The following PCDHA12 variants were observed in gnomAD, a reference collection of about 807,000 sequenced individuals.
The protein encoded by PCDHA12 is protocadherin alpha 12.
Under a neutral mutation model 60.0 loss-of-function variants are expected in PCDHA12, and 44 were observed. That is an observed-to-expected ratio of 0.73 (90% CI 0.58 to 0.94). The LOEUF is 0.94. PCDHA12 is among the 40% of genes least tolerant of loss of function. The pLI is 0.00. For synonymous variants in PCDHA12, 569 were observed against 553.0 expected, an observed-to-expected ratio of 1.03 and a Z score of -0.40; for missense variants, 1,276 against 1,239.7, an observed-to-expected ratio of 1.03 and a Z score of -0.44.
intron 3 of PCDHA12, among the ~76,000 whole-genome samples, chr5:140,983,526 A>C (rs1421450953): frequency 6.6e-6 from 1 of 152,230 alleles, no homozygotes; most frequent in African/African-American, 2.4e-5. Context: ...TGCCAAGTAC[A>C]TTGTATGTGT....
intron 1 of PCDHA12, among the ~76,000 whole-genome samples, chr5:140,920,909 C>A (rs2079923809): frequency 6.6e-6 from 1 of 151,058 alleles, no homozygotes; most frequent in Admixed American, 6.6e-5. Context: ...GTTCTCAAAT[C>A]AGTTCCAAGA....
At chr5:140,953,118 A>G (rs2094850559) in intron 1 of PCDHA12, among the ~76,000 whole-genome samples, 1 of 152,162 alleles carries the variant, frequency 6.6e-6, no homozygotes, top group Non-Finnish European at 1.5e-5. Context: ...AGGGACACAG[A>G]TCTAAACCGT....
At chr5:140,914,944 CTTTT>C (rs35695909) in intron 1 of PCDHA12, among the ~76,000 whole-genome samples, 298 of 128,244 alleles carry the variant, frequency 2.3e-3, no homozygotes, top group African/African-American at 8.2e-3. Flanking sequence ...GAAAAGTTGT[CTTTT>C]TTTTTTTTTT....
intron 3 of PCDHA12, among the ~76,000 whole-genome samples, chr5:141,000,389 CTCTCTCTATATA>C (rs1270729414): frequency 5.3e-4 from 33 of 62,572 alleles, no homozygotes; most frequent in African/African-American, 2.0e-3. Context: ...CTCTCTCTCT[CTCTCTCTATATA>C]TATATATATA....
At position 140,877,061 on chromosome 5, in the gene PCDHA12, T is replaced by A. The variant is rs2056822485; in HGVS notation, c.1589T>A (p.Leu530Gln). The A allele has an allele frequency of 3.1e-6, 5 of 1,612,978 alleles. No homozygotes were observed. Among genetic ancestry groups the A allele is most frequent in the African/African-American group, 1.3e-5 (1 of 75,038 alleles). ...LQPLDHEELE[L>Q]LQFQVSARDA... The stretch of plus-strand genomic sequence containing the variant: ...CCGCTAGACCACGAGGAGCTGGAGC[T>A]GCTGCAGTTCCAGGTGAGCGCGCGC... The change falls in exon 1 of 4, where the codon CTG becomes CAG. Residue 530 changes from leucine to glutamine, a missense_variant. Physicochemically the swap from Leu to Gln is moderately radical, Grantham distance 113 (BLOSUM62 -2). Transcript: ENST00000398631.
chr5:140,900,141 A>G (rs2067777266), intron 1 of PCDHA12, among the ~76,000 whole-genome samples: 1 of 152,202 alleles, frequency 6.6e-6, no homozygotes, highest in Middle Eastern at 3.2e-3. Context: ...ACAAATAAGT[A>G]AGAACATACG....
rs181377286 is a variant in PCDHA12 at position 140,886,682 on chromosome 5, G to C, written c.2367+8843G>C. Among the ~76,000 whole-genome samples, 463 of 151,736 alleles carry C rather than the reference G, an allele frequency of 3.1e-3. 3 individuals carry two copies. Among genetic ancestry groups the C allele is most frequent in the Middle Eastern group, 0.014 (4 of 294 alleles). The stretch of plus-strand genomic sequence containing the variant: ...CTCTACTAAAAATACAAAAATTAGC[G>C]AGGCATGGTGGCACGCGCCTGTAAT... On this transcript the variant is annotated intron_variant, in intron 1 of 3. Coordinates refer to ENST00000398631, the MANE Select transcript of PCDHA12 (RefSeq NM_018903.4).
At chr5:140,936,184 C>T (rs572832347) in intron 1 of PCDHA12, among the ~76,000 whole-genome samples, 4 of 152,308 alleles carry the variant, frequency 2.6e-5, no homozygotes, top group African/African-American at 4.8e-5. Context: ...TAAACCACCA[C>T]GCCCAGCCAA....
At chr5:140,905,622 T>G (rs962403940) in intron 1 of PCDHA12, among the ~76,000 whole-genome samples, 3 of 152,236 alleles carry the variant, frequency 2.0e-5, no homozygotes, top group Non-Finnish European at 4.4e-5. Context: ...AGATTGCTTT[T>G]GACAGTATGG....
At chr5:140,963,705 C>T (rs1351751729) in intron 1 of PCDHA12, among the ~76,000 whole-genome samples, 1 of 152,130 alleles carries the variant, frequency 6.6e-6, no homozygotes, top group Non-Finnish European at 1.5e-5. Flanking sequence ...ATCTAAAGGG[C>T]CATGCTACAT....
chr5:140,947,401 G>A (rs1314695904), intron 1 of PCDHA12, among the ~76,000 whole-genome samples: 1 of 151,652 alleles, frequency 6.6e-6, no homozygotes, highest in Non-Finnish European at 1.5e-5. Flanking sequence ...AAAGTAGACT[G>A]TCTTGATATT....
rs183321523 is a variant in PCDHA12 at position 140,948,382 on chromosome 5, A to G, written c.2368-30567A>G. Among the ~76,000 whole-genome samples the G allele has an allele frequency of 1.2e-3, 182 of 151,516 alleles. 1 individual carries two copies. Among genetic ancestry groups the G allele is most frequent in the African/African-American group, 3.9e-3 (163 of 41,496 alleles). ...TGACTTAGGAGGTGTTCCTTCCTCT[A>G]TTTTCTGAAAGGTTGTGTAATATTG... On this transcript the variant is annotated intron_variant, in intron 1 of 3. Coordinates refer to ENST00000398631, the MANE Select transcript of PCDHA12 (RefSeq NM_018903.4).
chr5:140,992,393 A>G (rs2097508684), intron 3 of PCDHA12, among the ~76,000 whole-genome samples: 1 of 152,180 alleles, frequency 6.6e-6, no homozygotes, highest in African/African-American at 2.4e-5. Context: ...TTCTGGACTT[A>G]GAGATATTGT....
intron 1 of PCDHA12, among the ~76,000 whole-genome samples, chr5:140,899,418 C>T (rs552409062): frequency 1.3e-5 from 2 of 152,254 alleles, no homozygotes; most frequent in African/African-American, 4.8e-5. Context: ...TGAATTTTGT[C>T]AAAGGTCTTT....
chr5:140,910,577 C>T (rs1425639563), intron 1 of PCDHA12, among the ~76,000 whole-genome samples: 1 of 152,186 alleles, frequency 6.6e-6, no homozygotes, highest in Non-Finnish European at 1.5e-5. Flanking sequence ...TTTCTGGATC[C>T]TCCCAGCTGG....
intron 1 of PCDHA12, among the ~76,000 whole-genome samples, chr5:140,971,749 CAT>C (rs143190557): frequency 0.047 from 7,111 of 152,104 alleles, 190 homozygotes; most frequent in Non-Finnish European, 0.062. Context: ...ACATATATCT[CAT>C]ATTACTGAAT....
At chr5:140,928,808 G>A (rs782344407) in intron 1 of PCDHA12, 3 of 1,614,062 alleles carry the variant, frequency 1.9e-6, no homozygotes, top group Non-Finnish European at 2.5e-6. Flanking sequence ...GTAGTGGTTC[G>A]GGACCATGGA....
rs1554177749 is a variant in PCDHA12 at position 140,883,345 on chromosome 5, C to T, written c.2367+5506C>T. The T allele has an allele frequency of 1.9e-6, 3 of 1,614,050 alleles. No homozygotes were observed. In the African/African-American group the frequency reaches 4.0e-5, roughly 22 times the overall value. On this transcript the variant is annotated intron_variant, in intron 1 of 3. Transcript: ENST00000398631. ...CCATCACTTCTTTGTCACTCCCCAT[C>T]AGAGAAGACACTCAGCCTAGCGCCA...
intron 1 of PCDHA12, among the ~76,000 whole-genome samples, chr5:140,919,331 A>G (rs2079089725): frequency 6.6e-6 from 1 of 152,026 alleles, no homozygotes; most frequent in Non-Finnish European, 1.5e-5. Context: ...TTTACTTTCA[A>G]TCTGTTTGTA....
Sources: allele counts gnomAD v4.1 joint callset (sites outside exome capture counted in the v4.1 genomes callset), GRCh38; gene constraint gnomAD v4.1.1; transcripts MANE v1.5; gene names NCBI Gene and HGNC (gene_info 2026-07-23, HGNC 2026-07-21).